PAK2: variants seen among roughly 807,000 people sequenced by gnomAD.
The protein encoded by PAK2 is serine/threonine-protein kinase PAK 2.
PAK2 carries 21 observed loss-of-function variants against 65.9 expected under a neutral mutation model. The observed-to-expected ratio is 0.32, with a 90% confidence interval of 0.23 to 0.46. The LOEUF (loss-of-function observed/expected upper bound fraction) is 0.46. Among genes scored for constraint, PAK2 ranks in the 20% least tolerant of loss-of-function variants. PAK2 has a pLI of 1.00. For missense variants in PAK2, 324 were observed against 642.6 expected (o/e 0.50, Z 5.36); for synonymous variants, 204 against 219.7 (o/e 0.93, Z 0.63).
At chr3:196,797,800 T>C (rs1477537136) in intron 2 of PAK2, among the ~76,000 whole-genome samples, 1 of 152,124 alleles carries the variant, frequency 6.6e-6, no homozygotes, top group African/African-American at 2.4e-5. Flanking sequence ...AGTGTGTTCT[T>C]GTGATCATAA....
chr3:196,792,394 A>G (rs1344748680), intron 2 of PAK2, among the ~76,000 whole-genome samples: 2 of 152,208 alleles, frequency 1.3e-5, no homozygotes, highest in Non-Finnish European at 2.9e-5. Flanking sequence ...GAGAGAGGTA[A>G]TTTATGATAG....
chr3:196,825,540 G>A (rs1480623866), intron 13 of PAK2, among the ~76,000 whole-genome samples: 1 of 151,952 alleles, frequency 6.6e-6, no homozygotes, highest in Non-Finnish European at 1.5e-5. Context: ...CTACTCGGAA[G>A]GCTGAGGCAG....
intron 1 of PAK2, among the ~76,000 whole-genome samples, chr3:196,746,846 A>C (rs1396110115): frequency 7.0e-6 from 1 of 143,022 alleles, no homozygotes; most frequent in African/African-American, 2.5e-5. Flanking sequence ...GGCCTTTATG[A>C]TAACTTCTGT....
intron 1 of PAK2, among the ~76,000 whole-genome samples, chr3:196,767,482 T>G (rs550436605): frequency 2.6e-5 from 4 of 151,684 alleles, no homozygotes; most frequent in Admixed American, 2.6e-4. Flanking sequence ...AAATACATGT[T>G]TTTTGTTTGT....
chr3:196,809,240 C>A (rs1226244071), intron 7 of PAK2, among the ~76,000 whole-genome samples: 2 of 148,764 alleles, frequency 1.3e-5, no homozygotes, highest in African/African-American at 5.0e-5. Context: ...AGAGTGAGAC[C>A]CTGTCTCTAA....
In PAK2 at chr3:196,814,476, G is replaced by A; in HGVS notation, c.961G>A (p.Val321Met). The A allele has an allele frequency of 6.8e-7, 1 of 1,470,046 alleles. No individual in the cohort carries two copies. Among genetic ancestry groups the A allele is most frequent in the Non-Finnish European group, 9.5e-7 (1 of 1,058,174 alleles). 91.1% of individuals were successfully genotyped at this position (1,470,046 alleles called of 1,614,324 possible). ...TTACCTGGTAGGAGATGAATTGTTT[G>A]TGGTCATGGAATACCTTGCTGGGGG... The part of the protein sequence containing the change: ...DSYLVGDELF[V>M]VMEYLAGGSL... The change falls in exon 11 of 15, where the codon GTG becomes ATG. Residue 321 changes from valine (V) to methionine (M), a missense_variant. Physicochemically the swap from Val to Met is conservative, Grantham distance 21 (BLOSUM62 1). This residue lies in a region of PAK2 where 183 missense variants were observed against 246.2 expected (regional missense o/e 0.74). Coordinates refer to ENST00000327134, the MANE Select transcript of PAK2 (RefSeq NM_002577.4).
chr3:196,761,836 A>AC lies in PAK2; in HGVS notation c.-21-20781dup, dbSNP rs71161960. Among the ~76,000 whole-genome samples the AC allele has an allele frequency of 3.8e-3, 523 of 136,082 alleles. 8 individuals are homozygous for AC. Among genetic ancestry groups the AC allele is most frequent in the Non-Finnish European group, 5.2e-3 (329 of 62,846 alleles). The allele number at this position is 136,082 out of a possible 152,430, so 89.3% of individuals were successfully genotyped here. On this transcript the variant is annotated intron_variant, in intron 1 of 14. Transcript: ENST00000327134. ...GGGCGGCTGGCCGGGCGGGGGGCTGACCCCCCCCCACCTCCCTCCCGGACG... is the reference window on the plus strand; with the variant it reads ...GGGCGGCTGGCCGGGCGGGGGGCTGACCCCCCCCCCACCTCCCTCCCGGACG...
chr3:196,783,161 C>A (rs935117698), intron 2 of PAK2, among the ~76,000 whole-genome samples: 17 of 152,190 alleles, frequency 1.1e-4, no homozygotes, highest in East Asian at 9.6e-4. Flanking sequence ...GGCCCACAGT[C>A]CCCTGTCTGA....
intron 14 of PAK2, 27 bp from the exon 15 acceptor site, chr3:196,828,292 A>G: frequency 2.1e-6 from 3 of 1,395,364 alleles, no homozygotes; most frequent in Non-Finnish European, 2.0e-6. Context: ...GCACTTATAC[A>G]TTTATTTTTC....
chr3:196,800,915 G>T (rs1348917224), intron 2 of PAK2, among the ~76,000 whole-genome samples: 1 of 152,144 alleles, frequency 6.6e-6, no homozygotes, highest in Non-Finnish European at 1.5e-5. Context: ...GACGGTAACT[G>T]CAGGAAGCGT....
chr3:196,815,102 C>T (rs1457902350), intron 11 of PAK2, among the ~76,000 whole-genome samples: 1 of 151,880 alleles, frequency 6.6e-6, no homozygotes, highest in Non-Finnish European at 1.5e-5. Context: ...ATGGCGTGAA[C>T]CTGGGAGGTG....
chr3:196,742,500 A>C (rs895211782), intron 1 of PAK2, among the ~76,000 whole-genome samples: 2 of 152,260 alleles, frequency 1.3e-5, no homozygotes, highest in Non-Finnish European at 2.9e-5. Context: ...AGCCAAGGAT[A>C]AAATGAGTAG....
chr3:196,795,421 C>T (rs995580433), intron 2 of PAK2, among the ~76,000 whole-genome samples: 5 of 151,990 alleles, frequency 3.3e-5, no homozygotes, highest in African/African-American at 1.2e-4. Flanking sequence ...GAGCTGAGAT[C>T]GCACCACTGC....
At chr3:196,797,692 A>C (rs1715299787) in intron 2 of PAK2, among the ~76,000 whole-genome samples, 1 of 152,108 alleles carries the variant, frequency 6.6e-6, no homozygotes, top group Non-Finnish European at 1.5e-5. Flanking sequence ...CGGAGGTTGC[A>C]GTGAACCAAG....
chr3:196,806,206 C>T (rs183929659), intron 5 of PAK2, among the ~76,000 whole-genome samples: 12 of 152,178 alleles, frequency 7.9e-5, no homozygotes, highest in Admixed American at 2.0e-4. Flanking sequence ...CCACCATGCC[C>T]GGCCCCAAAT....
chr3:196,785,675 C>T (rs1460421997), intron 2 of PAK2, among the ~76,000 whole-genome samples: 1 of 152,136 alleles, frequency 6.6e-6, no homozygotes, highest in Non-Finnish European at 1.5e-5. Flanking sequence ...TAAAGACATA[C>T]CTGAGACTGG....
chr3:196,792,129 G>C (rs1363239846), intron 2 of PAK2, among the ~76,000 whole-genome samples: 1 of 152,130 alleles, frequency 6.6e-6, no homozygotes, highest in Non-Finnish European at 1.5e-5. Context: ...GACCATAGTC[G>C]TGTAAGAAAA....
chr3:196,826,475 G>GT (rs1462109116), intron 13 of PAK2, among the ~76,000 whole-genome samples: 19 of 150,000 alleles, frequency 1.3e-4, no homozygotes, highest in Admixed American at 6.7e-4. Flanking sequence ...CCCGGCCTTG[G>GT]TTTTTTTTTG....
chr3:196,750,759 A>ATTTT (rs754691404), intron 1 of PAK2, among the ~76,000 whole-genome samples: 5,946 of 137,572 alleles, frequency 0.043, 140 homozygotes, highest in African/African-American at 0.05. Context: ...TAAAGTTTAA[A>ATTTT]AAAAAAAAAA....
Sources: gnomAD v4.1 joint callset for allele counts (sites outside exome capture counted in the v4.1 genomes callset) on GRCh38, gnomAD v4.1.1 for gene constraint, gnomAD v4.1.1 regional missense constraint, MANE v1.5 for transcripts, NCBI Gene and HGNC (gene_info 2026-07-23, HGNC 2026-07-21) for gene names.